The following ROBO2 variants were observed in gnomAD, a reference collection of about 807,000 sequenced individuals.
ROBO2 encodes the protein roundabout homolog 2.
ROBO2 carries 53 observed loss-of-function variants against 160.8 expected under a neutral mutation model. That is an observed-to-expected ratio of 0.33 (90% CI 0.26 to 0.41). The LOEUF is 0.41. Among genes scored for constraint, ROBO2 ranks in the 10% least tolerant of loss-of-function variants. The probability of loss-of-function intolerance (pLI) is 1.00; values close to 1 mark genes in which losing one functional copy is unlikely to be tolerated. For missense variants in ROBO2, 1,577 were observed against 1,722.4 expected (o/e 0.92, Z 1.49); for synonymous variants, 664 against 611.7 (o/e 1.09, Z -1.26).
chr3:76,911,960 C>T (rs1245795396), intron 2 of ROBO2, among the ~76,000 whole-genome samples: 1 of 151,564 alleles, frequency 6.6e-6, no homozygotes, highest in African/African-American at 2.4e-5. Context: ...AGAGCTGGAC[C>T]CTGTCTCAAA....
intron 22 of ROBO2, among the ~76,000 whole-genome samples, chr3:77,619,896 G>C (rs555661965): frequency 6.6e-6 from 1 of 152,336 alleles, no homozygotes; most frequent in African/African-American, 2.4e-5. Context: ...AATGAAATGA[G>C]TATGAACTTA....
chr3:77,546,351 T>G, exon 7 of ROBO2: 3 of 1,613,202 alleles, frequency 1.9e-6, no homozygotes, highest in Non-Finnish European at 2.5e-6. Context: ...CCCCACAGTT[T>G]GTGGTTCGGC....
At chr3:77,512,832 C>T (rs1329095134) in intron 5 of ROBO2, among the ~76,000 whole-genome samples, 1 of 151,818 alleles carries the variant, frequency 6.6e-6, no homozygotes, top group African/African-American at 2.4e-5. Context: ...GGGAAAGAAA[C>T]ATTTACTCAT....
Position 77,525,340 on chromosome 3 carries a change from G to A in ROBO2, c.934+2438G>A, listed in dbSNP as rs545766824. ...AAATTTTATCATAACATTCACATTA[G>A]CCAATTGGGGAAAAGGTAAGAGAGT... On this transcript the variant is annotated intron_variant, in intron 6 of 25. Transcript: ENST00000461745. 1.9e-4 allele frequency among the ~76,000 whole-genome samples: 28 copies of A among 145,068 alleles called. 1 individual carries two copies. Among genetic ancestry groups the A allele is most frequent in the African/African-American group, 6.9e-4 (27 of 39,402 alleles).
intron 2 of ROBO2, among the ~76,000 whole-genome samples, chr3:76,967,615 A>C (rs559722733): frequency 8.0e-5 from 12 of 149,836 alleles, no homozygotes; most frequent in Non-Finnish European, 1.6e-4. Flanking sequence ...TTGAACTTCT[A>C]AACTCAAGGG....
At chr3:77,209,467 A>G (rs978277657) in intron 2 of ROBO2, among the ~76,000 whole-genome samples, 9 of 152,210 alleles carry the variant, frequency 5.9e-5, no homozygotes, top group African/African-American at 2.2e-4. Context: ...GGCAATAAAC[A>G]TAATTCATTA....
At chr3:76,524,707 G>GCAAT (rs1482377555) in intron 2 of ROBO2, among the ~76,000 whole-genome samples, 5 of 150,490 alleles carry the variant, frequency 3.3e-5, no homozygotes, top group Non-Finnish European at 7.4e-5. Context: ...AGACTGCCAG[G>GCAAT]CAATTGTTTT....
At chr3:77,623,035 A>G (rs1439638551) in intron 23 of ROBO2, among the ~76,000 whole-genome samples, 2 of 152,178 alleles carry the variant, frequency 1.3e-5, no homozygotes, top group East Asian at 1.9e-4. Context: ...TGCCTTGTTC[A>G]TCAAACGAAA....
intron 1 of ROBO2, among the ~76,000 whole-genome samples, chr3:75,918,835 T>G (rs1055001737): frequency 1.1e-4 from 16 of 152,010 alleles, no homozygotes; most frequent in African/African-American, 3.9e-4. Flanking sequence ...TCTCTGCTTG[T>G]CTGGTCTGTT....
chr3:77,091,904 T>C (rs1458816223), intron 1 of ROBO2, among the ~76,000 whole-genome samples: 3 of 151,700 alleles, frequency 2.0e-5, no homozygotes, highest in Non-Finnish European at 4.4e-5. Flanking sequence ...CGCTTCAACC[T>C]GGGAGACGGA....
At chr3:76,446,553 G>A (rs13067735) in intron 2 of ROBO2, among the ~76,000 whole-genome samples, 134,250 of 151,764 alleles carry the variant, frequency 0.88, 59,579 homozygotes, top group East Asian at 1. Flanking sequence ...TAAAGTTCAC[G>A]TGGAACCAAA....
chr3:75,987,501 A>G (rs1233473896), intron 2 of ROBO2, among the ~76,000 whole-genome samples: 1 of 151,774 alleles, frequency 6.6e-6, no homozygotes. Context: ...GTACAAACAG[A>G]GATAATTGTA....
intron 2 of ROBO2, among the ~76,000 whole-genome samples, chr3:77,270,923 A>C (rs1317234341): frequency 6.8e-6 from 1 of 146,524 alleles, no homozygotes; most frequent in Admixed American, 7.0e-5. Context: ...AGCCTGGGCG[A>C]CAGAGCAATA....
chr3:77,196,320 C>A (rs1251035747), intron 2 of ROBO2, among the ~76,000 whole-genome samples: 1 of 128,446 alleles, frequency 7.8e-6, no homozygotes, highest in East Asian at 2.2e-4. Flanking sequence ...TTGAGAAATA[C>A]CCTGCTTTTT....
At chr3:76,586,227 T>C (rs989083918) in intron 2 of ROBO2, among the ~76,000 whole-genome samples, 7 of 152,230 alleles carry the variant, frequency 4.6e-5, no homozygotes, top group African/African-American at 7.2e-5. Context: ...TTTATAGCAA[T>C]AGGTACATTT....
At chr3:77,112,176 C>G (rs2150186893) in intron 2 of ROBO2, among the ~76,000 whole-genome samples, 1 of 122,228 alleles carries the variant, frequency 8.2e-6, no homozygotes, top group East Asian at 2.6e-4. Flanking sequence ...GCCTGGGTGA[C>G]AGAGCGAGAC....
At chr3:77,500,289 A>G (rs749278363) in intron 5 of ROBO2, among the ~76,000 whole-genome samples, 2 of 152,180 alleles carry the variant, frequency 1.3e-5, no homozygotes, top group Non-Finnish European at 2.9e-5. Flanking sequence ...TATTACTCCT[A>G]CTTGAGGGTT....
chr3:76,511,661 C>A (rs563230549), intron 2 of ROBO2, among the ~76,000 whole-genome samples: 2 of 152,278 alleles, frequency 1.3e-5, no homozygotes, highest in African/African-American at 2.4e-5. Flanking sequence ...ATTGCCAATG[C>A]TGGGAACACA....
chr3:77,011,621 C>T (rs142070650), intron 2 of ROBO2, among the ~76,000 whole-genome samples: 30 of 152,080 alleles, frequency 2.0e-4, no homozygotes, highest in African/African-American at 6.5e-4. Flanking sequence ...CCCTGTAACC[C>T]TCTGCAAAAG....
Sources: allele counts gnomAD v4.1 joint callset (sites outside exome capture counted in the v4.1 genomes callset), GRCh38; gene constraint gnomAD v4.1.1; transcripts MANE v1.5; gene names NCBI Gene and HGNC (gene_info 2026-07-23, HGNC 2026-07-21).